KLHL1: variants seen among roughly 807,000 people sequenced by gnomAD.
KLHL1 encodes kelch like family member 1.
Under a neutral mutation model 77.7 loss-of-function variants are expected in KLHL1, and 47 were observed. The ratio of observed to expected loss-of-function variants is 0.60; its 90% CI spans 0.48 to 0.77. KLHL1 has a LOEUF of 0.77. Ranked by LOEUF, KLHL1 falls within the 30% of genes least tolerant of loss-of-function variation. KLHL1 has a pLI of 0.00. For synonymous variants in KLHL1, 360 were observed against 325.2 expected (o/e 1.11, Z -1.15); for missense variants, 925 against 910.8 (o/e 1.02, Z -0.20).
intron 1 of KLHL1, among the ~76,000 whole-genome samples, chr13:70,095,025 C>T (rs948116613): frequency 1.3e-5 from 2 of 152,174 alleles, no homozygotes; most frequent in Non-Finnish European, 2.9e-5. Flanking sequence ...CTGGGTATCT[C>T]TCTTTTTACA....
intron 7 of KLHL1, among the ~76,000 whole-genome samples, chr13:69,780,721 T>TACATATATATATAC (rs1160244352): frequency 1.6e-5 from 1 of 62,852 alleles, no homozygotes; most frequent in African/African-American, 6.9e-5. Context: ...TATATGTATA[T>TACATATATATATAC]ATATATATAT....
chr13:69,850,226 G>T (rs1278537729), intron 5 of KLHL1, among the ~76,000 whole-genome samples: 1 of 151,414 alleles, frequency 6.6e-6, no homozygotes, highest in Non-Finnish European at 1.5e-5. Flanking sequence ...TCCTGTAATT[G>T]ACTTTGTCTT....
intron 1 of KLHL1, among the ~76,000 whole-genome samples, chr13:69,988,619 A>T (rs1446903672): frequency 3.9e-5 from 6 of 152,032 alleles, no homozygotes; most frequent in Admixed American, 2.0e-4. Flanking sequence ...CCTTGCTAGC[A>T]TGTGTTATTT....
At chr13:69,831,834 T>C (rs1878774035) in intron 6 of KLHL1, among the ~76,000 whole-genome samples, 1 of 149,778 alleles carries the variant, frequency 6.7e-6, no homozygotes, top group Non-Finnish European at 1.5e-5. Context: ...ATAAACAGAA[T>C]TAAAAACAAA....
intron 5 of KLHL1, 62 bp from the exon 6 acceptor site, chr13:69,839,224 C>T (rs1228414788): frequency 1.7e-6 from 2 of 1,167,604 alleles, no homozygotes; most frequent in East Asian, 2.5e-5. Context: ...TATGTCATTC[C>T]TTAAAACTAG....
At chr13:69,903,607 T>C (rs1881944964) in intron 4 of KLHL1, among the ~76,000 whole-genome samples, 1 of 148,170 alleles carries the variant, frequency 6.7e-6, no homozygotes, top group Non-Finnish European at 1.5e-5. Context: ...CAGATTCCTT[T>C]GCAGAAAACC....
chr13:69,768,701 ATTAT>A (rs1875427816), intron 7 of KLHL1, among the ~76,000 whole-genome samples: 1 of 152,150 alleles, frequency 6.6e-6, no homozygotes, highest in African/African-American at 2.4e-5. Context: ...AAACCTAGTA[ATTAT>A]TAATAACTTC....
intron 1 of KLHL1, among the ~76,000 whole-genome samples, chr13:70,087,760 C>T (rs1168643104): frequency 6.6e-6 from 1 of 152,112 alleles, no homozygotes; most frequent in Non-Finnish European, 1.5e-5. Flanking sequence ...TGCTCCTTCC[C>T]TGAACTTCTT....
chr13:69,813,505 T>C (rs1020913831), intron 6 of KLHL1, among the ~76,000 whole-genome samples: 2,234 of 113,494 alleles, frequency 0.02, 33 homozygotes, highest in African/African-American at 0.069. Context: ...CACACACACA[T>C]ATATATATAT....
intron 6 of KLHL1, among the ~76,000 whole-genome samples, chr13:69,837,261 C>A (rs1015581318): frequency 6.6e-6 from 1 of 151,564 alleles, no homozygotes; most frequent in African/African-American, 2.4e-5. Flanking sequence ...TATGTGGGTG[C>A]TAATGGTGGC....
At chr13:69,774,236 A>G (rs981184473) in intron 7 of KLHL1, among the ~76,000 whole-genome samples, 5 of 151,998 alleles carry the variant, frequency 3.3e-5, no homozygotes, top group Non-Finnish European at 7.4e-5. Context: ...TCACAGATAC[A>G]AATAGAGTTC....
chr13:70,065,824 G>A (rs543663860), intron 1 of KLHL1, among the ~76,000 whole-genome samples: 56 of 151,960 alleles, frequency 3.7e-4, no homozygotes, highest in Non-Finnish European at 6.6e-4. Context: ...TGGATTAGCA[G>A]ATGGTAGTCA....
At chr13:69,988,595 C>T (rs956607187) in intron 1 of KLHL1, among the ~76,000 whole-genome samples, 1 of 151,982 alleles carries the variant, frequency 6.6e-6, no homozygotes, top group African/African-American at 2.4e-5. Context: ...GTAAGCATTC[C>T]CTTTCCTCTG....
intron 1 of KLHL1, among the ~76,000 whole-genome samples, chr13:70,010,001 A>G (rs956538036): frequency 6.6e-6 from 1 of 152,090 alleles, no homozygotes; most frequent in Admixed American, 6.6e-5. Context: ...GGAAATATGT[A>G]TATCTATGGA....
In KLHL1 at chr13:70,006,917, C is replaced by A. The variant is rs141072365; in HGVS notation, c.498-31115G>T. Among the ~76,000 whole-genome samples, 679 of 152,018 alleles carry A rather than the reference C, an allele frequency of 4.5e-3. 5 individuals carry two copies. The highest frequency in any genetic ancestry group is 0.016 in the African/African-American group (655 of 41,500). Reference sequence around the variant, plus strand: ...TTTTTAAGTTACTCTTGCATATGTACAAATTATTTTTCATTTTGTTTTTAT... The same window carrying A: ...TTTTTAAGTTACTCTTGCATATGTAAAAATTATTTTTCATTTTGTTTTTAT... On this transcript the variant is annotated intron_variant, in intron 1 of 10. Transcript: ENST00000377844.
At chr13:69,786,719 C>G (rs1593831282) in intron 7 of KLHL1, among the ~76,000 whole-genome samples, 1 of 152,148 alleles carries the variant, frequency 6.6e-6, no homozygotes, top group East Asian at 1.9e-4. Context: ...GTCAAATTGT[C>G]CCTGTTTGCA....
chr13:69,813,224 A>C (rs1420131960), intron 6 of KLHL1, among the ~76,000 whole-genome samples: 1 of 151,978 alleles, frequency 6.6e-6, no homozygotes, highest in African/African-American at 2.4e-5. Context: ...TATCGCAAGG[A>C]CAAAAAAACA....
intron 7 of KLHL1, among the ~76,000 whole-genome samples, chr13:69,792,484 C>T (rs1245745877): frequency 3.9e-5 from 6 of 152,204 alleles, no homozygotes; most frequent in Non-Finnish European, 8.8e-5. Flanking sequence ...CTTTGGAAAA[C>T]AGTTTTGCAG....
At chr13:69,917,882 G>A (rs1376571879) in intron 4 of KLHL1, among the ~76,000 whole-genome samples, 1 of 140,966 alleles carries the variant, frequency 7.1e-6, no homozygotes, top group Non-Finnish European at 1.7e-5. Flanking sequence ...TGATAGCTTT[G>A]TCTTTTCAGT....
Sources: allele counts gnomAD v4.1 joint callset (sites outside exome capture counted in the v4.1 genomes callset), GRCh38; gene constraint gnomAD v4.1.1; transcripts MANE v1.5; gene names NCBI Gene and HGNC (gene_info 2026-07-23, HGNC 2026-07-21).